Variants in NVL observed in about 807,000 individuals in gnomAD.
The protein encoded by NVL is nuclear VCP like, also known as nuclear valosin-containing protein-like.
Under a neutral mutation model 110.2 loss-of-function variants are expected in NVL, and 84 were observed. That is an observed-to-expected ratio of 0.76 (90% CI 0.64 to 0.91). NVL has a LOEUF of 0.91. Ranked by LOEUF, NVL falls within the 40% of genes least tolerant of loss-of-function variation. The pLI, the probability that NVL is intolerant of heterozygous loss-of-function variation, is 0.00. For missense variants in NVL, 882 were observed against 1,035.9 expected, an observed-to-expected ratio of 0.85 and a Z score of 2.04; for synonymous variants, 354 against 361.1, an observed-to-expected ratio of 0.98 and a Z score of 0.22.
chr1:224,302,730 T>C (rs1455845771), intron 9 of NVL, among the ~76,000 whole-genome samples: 3 of 152,206 alleles, frequency 2.0e-5, no homozygotes, highest in Non-Finnish European at 2.9e-5. Flanking sequence ...AATATAACCC[T>C]AGTTTTCTTA....
intron 19 of NVL, among the ~76,000 whole-genome samples, chr1:224,246,981 G>A (rs1288948352): frequency 6.6e-6 from 1 of 151,250 alleles, no homozygotes; most frequent in African/African-American, 2.4e-5. Flanking sequence ...GGTGGAGGTT[G>A]CAGTGAGCTG....
At chr1:224,286,160 T>C (rs1030730256) in intron 14 of NVL, 30 bp from the exon 15 acceptor site, 5 of 1,511,396 alleles carry the variant, frequency 3.3e-6, no homozygotes, top group Non-Finnish European at 3.7e-6. Context: ...CGGCGATCCA[T>C]TACATGTCCA....
At chr1:224,234,975 A>T (rs1381385471) in intron 20 of NVL, among the ~76,000 whole-genome samples, 6 of 151,572 alleles carry the variant, frequency 4.0e-5, no homozygotes, top group East Asian at 3.9e-4. Context: ...TATTATTATT[A>T]TTTTTTTTGT....
At chr1:224,251,571 C>T (rs1357775404) in intron 18 of NVL, among the ~76,000 whole-genome samples, 3 of 150,948 alleles carry the variant, frequency 2.0e-5, no homozygotes, top group South Asian at 2.1e-4. Flanking sequence ...ACCTGGGAGG[C>T]GGAGGCTGCA....
chr1:224,293,049 C>T (rs550374546), intron 12 of NVL, among the ~76,000 whole-genome samples: 1 of 151,314 alleles, frequency 6.6e-6, no homozygotes, highest in East Asian at 1.9e-4. Context: ...GCCACCATAC[C>T]CGACCTAATA....
chr1:224,296,843 AT>A (rs1324728581), intron 10 of NVL, among the ~76,000 whole-genome samples: 3 of 152,196 alleles, frequency 2.0e-5, no homozygotes, highest in Non-Finnish European at 4.4e-5. Context: ...AGGGTAACAC[AT>A]TTATAGTCTC....
chr1:224,318,499 G>T (rs1321460212), intron 2 of NVL, among the ~76,000 whole-genome samples: 1 of 152,164 alleles, frequency 6.6e-6, no homozygotes, highest in Non-Finnish European at 1.5e-5. Flanking sequence ...CTACTTGGGA[G>T]GCTGAGGTGG....
intron 16 of NVL, among the ~76,000 whole-genome samples, chr1:224,277,836 C>T (rs1665919768): frequency 6.6e-6 from 1 of 152,174 alleles, no homozygotes; most frequent in Non-Finnish European, 1.5e-5. Context: ...ACTGTTTAGT[C>T]ACACTGACAA....
At chr1:224,262,795 T>C (rs1474898407) in intron 18 of NVL, among the ~76,000 whole-genome samples, 2 of 152,144 alleles carry the variant, frequency 1.3e-5, no homozygotes, top group Non-Finnish European at 2.9e-5. Flanking sequence ...ACAAGAGTTA[T>C]ATGAGAAAGG....
intron 2 of NVL, among the ~76,000 whole-genome samples, chr1:224,323,453 C>T (rs571404204): frequency 6.6e-6 from 1 of 152,266 alleles, no homozygotes; most frequent in Admixed American, 6.5e-5. Flanking sequence ...AAGCGATTAC[C>T]AGCATATGAC....
rs757415253 is a variant in NVL at position 224,300,680 on chromosome 1, A to G, written c.961-17T>C. The G allele has an allele frequency of 6.3e-7, 1 of 1,579,976 alleles. No individual in the cohort carries two copies. Among genetic ancestry groups the G allele is most frequent in the Admixed American group, 1.7e-5 (1 of 57,252 alleles). ...GTCAAGTTCCTATGCAGACACATAA[A>G]AGAATAACCAAATATTCAAATTTTA... On this transcript the variant is annotated splice_polypyrimidine_tract_variant and intron_variant, in intron 9 of 22. Transcript: ENST00000281701.
chr1:224,228,634 C>T (rs1299513005), intron 22 of NVL, among the ~76,000 whole-genome samples: 1 of 149,918 alleles, frequency 6.7e-6, no homozygotes, highest in African/African-American at 2.4e-5. Flanking sequence ...ACTACATTAA[C>T]ATTCATAAGA....
At chr1:224,271,854 T>C (rs760070412) in intron 17 of NVL, among the ~76,000 whole-genome samples, 6 of 148,556 alleles carry the variant, frequency 4.0e-5, no homozygotes, top group South Asian at 2.1e-4. Context: ...CTACTAAAAA[T>C]ACACAAAAAA....
chr1:224,310,852 T>G (rs1451647097), intron 5 of NVL, among the ~76,000 whole-genome samples: 2 of 151,830 alleles, frequency 1.3e-5, no homozygotes, highest in African/African-American at 2.4e-5. Flanking sequence ...AGCCTCAGCC[T>G]CCTGAGTAGC....
chr1:224,286,178 C>G, intron 14 of NVL, 48 bp from the exon 15 acceptor site: 1 of 1,306,758 alleles, frequency 7.7e-7, no homozygotes, highest in Non-Finnish European at 1.1e-6. Flanking sequence ...CCATTTTATA[C>G]TGCAGGTTCA....
At chr1:224,254,778 A>G (rs1383356033) in intron 18 of NVL, among the ~76,000 whole-genome samples, 1 of 151,486 alleles carries the variant, frequency 6.6e-6, no homozygotes, top group African/African-American at 2.4e-5. Context: ...TGACACAGGC[A>G]TTACCTCATA....
intron 10 of NVL, among the ~76,000 whole-genome samples, chr1:224,296,843 A>G (rs1667931032): frequency 6.6e-6 from 1 of 152,196 alleles, no homozygotes; most frequent in Non-Finnish European, 1.5e-5. Flanking sequence ...AGGGTAACAC[A>G]TTTATAGTCT....
At chr1:224,267,724 T>C (rs1664636170) in intron 18 of NVL, among the ~76,000 whole-genome samples, 1 of 151,470 alleles carries the variant, frequency 6.6e-6, no homozygotes, top group African/African-American at 2.4e-5. Flanking sequence ...CTGCAACTGT[T>C]CTCAGCCAAA....
intron 22 of NVL, among the ~76,000 whole-genome samples, chr1:224,229,427 C>G (rs927263056): frequency 5.9e-5 from 9 of 151,706 alleles, no homozygotes; most frequent in Non-Finnish European, 1.3e-4. Flanking sequence ...TCACTGTGGT[C>G]AAATTAAAAA....
Sources: allele counts gnomAD v4.1 joint callset (sites outside exome capture counted in the v4.1 genomes callset), GRCh38; gene constraint gnomAD v4.1.1; transcripts MANE v1.5; gene names NCBI Gene and HGNC (gene_info 2026-07-23, HGNC 2026-07-21).